The following PRH1 variants were observed in gnomAD, a reference collection of about 807,000 sequenced individuals.
The protein encoded by PRH1 is proline rich protein HaeIII subfamily 1, also known as salivary acidic proline-rich phosphoprotein 1/2.
In PRH1, 7 loss-of-function variants were observed where a neutral mutation model predicts 7.9. The ratio of observed to expected loss-of-function variants is 0.89; its 90% CI spans 0.50 to 1.67. The LOEUF is 1.67. Ranked by LOEUF, PRH1 falls within the 40% of genes most tolerant of loss-of-function variation. The pLI, the probability that PRH1 is intolerant of heterozygous loss-of-function variation, is 0.00. For missense variants in PRH1, 109 were observed against 223.6 expected, an observed-to-expected ratio of 0.49 and a Z score of 3.27; for synonymous variants, 45 against 80.8, an observed-to-expected ratio of 0.56 and a Z score of 2.38.
chr12:11,120,024 T>C (rs1054810798), downstream of PRH1, among the ~76,000 whole-genome samples: 1 of 152,236 alleles, frequency 6.6e-6, no homozygotes, highest in East Asian at 1.9e-4. Flanking sequence ...TATATGTGCT[T>C]GAGAATTTTG....
At chr12:10,997,119 T>G in intron 1 of PRH1, 1 of 1,614,072 alleles carries the variant, frequency 6.2e-7, no homozygotes, top group Non-Finnish European at 8.5e-7. Flanking sequence ...GGTCGCATCT[T>G]AAAATTCCAA....
intron 1 of PRH1, among the ~76,000 whole-genome samples, chr12:10,883,731 T>C (rs1338487424): frequency 2.0e-5 from 3 of 152,198 alleles, no homozygotes; most frequent in Non-Finnish European, 4.4e-5. Flanking sequence ...TTTACCCAAT[T>C]CTCTGCCTCG....
chr12:11,022,675 C>T lies in PRH1; in HGVS notation c.-126+24345G>A, dbSNP rs914976075. 3 of 861,442 alleles carry T rather than the reference C, an allele frequency of 3.5e-6. No homozygotes were observed. The African/African-American group carries it at 5.1e-5, about 15-fold the overall frequency. 53.4% of individuals were successfully genotyped at this position (861,442 alleles called of 1,614,324 possible). Reference sequence around the variant, plus strand: ...CACTTGATTACTAAATGTGCAATAACATTTTCTGCCTTTAAATTCAGTGAC... The same window carrying T: ...CACTTGATTACTAAATGTGCAATAATATTTTCTGCCTTTAAATTCAGTGAC... On this transcript the variant is annotated intron_variant, in intron 1 of 3. Transcript: ENST00000539853.
intron 2 of PRH1, among the ~76,000 whole-genome samples, chr12:10,907,163 A>G (rs955126916): frequency 3.3e-5 from 5 of 152,204 alleles, no homozygotes; most frequent in African/African-American, 7.2e-5. Context: ...GAAATGGTGC[A>G]ACCACTCTAT....
chr12:11,045,699 C>T (rs1344866553), intron 1 of PRH1, among the ~76,000 whole-genome samples: 2 of 152,098 alleles, frequency 1.3e-5, no homozygotes, highest in East Asian at 3.9e-4. Flanking sequence ...AAACTGAATA[C>T]AAATTATGAA....
chr12:10,887,807 GT>G (rs1216056257), upstream of PRH1, among the ~76,000 whole-genome samples: 1 of 152,058 alleles, frequency 6.6e-6, no homozygotes, highest in Non-Finnish European at 1.5e-5. Flanking sequence ...TCTTCTCTTT[GT>G]AATTCCAGTT....
chr12:11,122,942 C>T (rs1945960959), intron 1 of PRH1, among the ~76,000 whole-genome samples: 1 of 152,310 alleles, frequency 6.6e-6, no homozygotes, highest in Admixed American at 6.5e-5. Flanking sequence ...CAATCCCCTA[C>T]ACCTTTCTTC....
intron 2 of PRH1, among the ~76,000 whole-genome samples, chr12:10,927,479 A>G (rs2135859177): frequency 6.6e-6 from 1 of 152,210 alleles, no homozygotes; most frequent in East Asian, 1.9e-4. Context: ...TCCAGTTTCC[A>G]CAGGGCCAGA....
At chr12:10,942,957 T>C (rs1249692052) in intron 2 of PRH1, among the ~76,000 whole-genome samples, 1 of 152,168 alleles carries the variant, frequency 6.6e-6, no homozygotes, top group African/African-American at 2.4e-5. Context: ...TCTTTTCCCA[T>C]AAAATAGACC....
At chr12:11,022,623 TA>T in intron 1 of PRH1, 1 of 1,334,088 alleles carries the variant, frequency 7.5e-7, no homozygotes, top group Non-Finnish European at 1.0e-6. Flanking sequence ...CTGAGTCCTT[TA>T]ACATCCAGAT....
intron 1 of PRH1, among the ~76,000 whole-genome samples, chr12:11,086,886 T>C (rs148245528): frequency 0.03 from 2,929 of 99,208 alleles, 858 homozygotes; most frequent in Middle Eastern, 0.047. Context: ...TCCACTCCAG[T>C]GGGGAGACCG....
chr12:10,916,531 T>C (rs1370518224), intron 2 of PRH1, among the ~76,000 whole-genome samples: 3 of 151,860 alleles, frequency 2.0e-5, no homozygotes, highest in African/African-American at 4.8e-5. Flanking sequence ...TAGAGAACCA[T>C]AGAAAATAAC....
intron 1 of PRH1, among the ~76,000 whole-genome samples, chr12:11,043,563 A>T (rs1333687953): frequency 2.3e-4 from 35 of 152,210 alleles, no homozygotes. Flanking sequence ...GTACCAAAAA[A>T]CTATTAGAAT....
At position 11,077,752 on chromosome 12, in the gene PRH1, C is replaced by A. The variant is rs11522333; in HGVS notation, n.124-30564G>T. The A allele has an allele frequency of 1.7e-3, 2,052 of 1,209,808 alleles. 15 individuals carry two copies. Among genetic ancestry groups the A allele is most frequent in the Admixed American group, 8.2e-3 (452 of 54,828 alleles). 74.9% of individuals were successfully genotyped at this position (1,209,808 alleles called of 1,614,324 possible). ...TATTGCATTCCTCAATTTGATCTTC[C>A]AAGTCACATTTCCTTCATATTCTTT... is the stretch of plus-strand genomic sequence containing the variant. On this transcript the variant is annotated intron_variant and non_coding_transcript_variant, in intron 1 of 4. Transcript: ENST00000541977.
At chr12:10,921,641 A>C (rs764121783) in intron 2 of PRH1, among the ~76,000 whole-genome samples, 47 of 151,946 alleles carry the variant, frequency 3.1e-4, no homozygotes, top group Non-Finnish European at 6.3e-4. Context: ...TCATTTATTT[A>C]TTTACTACTT....
At chr12:11,108,994 C>T (rs760255217) in intron 1 of PRH1, among the ~76,000 whole-genome samples, 11 of 152,214 alleles carry the variant, frequency 7.2e-5, no homozygotes, top group African/African-American at 1.7e-4. Flanking sequence ...GAAGGATGTC[C>T]GCCATTACTG....
intron 2 of PRH1, among the ~76,000 whole-genome samples, chr12:10,924,000 T>TG (rs1052922303): frequency 3.6e-5 from 5 of 140,172 alleles, no homozygotes; most frequent in African/African-American, 1.1e-4. Flanking sequence ...GTTTTTTTTT[T>TG]TTTTTTTTTT....
In PRH1 at chr12:11,161,566, T is replaced by C. The variant is rs117435724; in HGVS notation, n.39+9856A>G. 4.3e-3 allele frequency among the ~76,000 whole-genome samples: 655 copies of C among 152,258 alleles called. 8 individuals are homozygous for C. The highest frequency in any genetic ancestry group is 0.022 in the East Asian group (112 of 5,186). On this transcript the variant is annotated intron_variant and non_coding_transcript_variant, in intron 1 of 1. Transcript: ENST00000541175. ...GGTGTGCCAGGGTTGTTCTCCAAAA[T>C]ATTTTAGCAAGATATTATGAGAAGA...
At chr12:11,082,711 T>A (rs534750353) in intron 1 of PRH1, among the ~76,000 whole-genome samples, 1 of 115,954 alleles carries the variant, frequency 8.6e-6, no homozygotes, top group African/African-American at 2.9e-5. Flanking sequence ...TACTTGCTAT[T>A]TTTTTCTTCT....
Sources: allele counts gnomAD v4.1 joint callset (sites outside exome capture counted in the v4.1 genomes callset), GRCh38; gene constraint gnomAD v4.1.1; transcripts MANE v1.5; gene names NCBI Gene and HGNC (gene_info 2026-07-23, HGNC 2026-07-21).